Variants in RGS20 observed in about 807,000 individuals in gnomAD.
RGS20 encodes the protein gz-selective GTPase-activating protein.
Under a neutral mutation model 33.6 loss-of-function variants are expected in RGS20, and 30 were observed. That is an observed-to-expected ratio of 0.89 (90% CI 0.67 to 1.21). The LOEUF (loss-of-function observed/expected upper bound fraction) is 1.21. RGS20 is among the 50% of genes most tolerant of loss of function. The probability of loss-of-function intolerance (pLI) is 0.00; values close to 1 mark genes in which losing one functional copy is unlikely to be tolerated. For synonymous variants in RGS20, 208 were observed against 197.9 expected, an observed-to-expected ratio of 1.05 and a Z score of -0.43; for missense variants, 472 against 502.4, an observed-to-expected ratio of 0.94 and a Z score of 0.58.
At position 53,910,117 on chromosome 8, in the gene RGS20, T is replaced by C. The variant is rs555337181; in HGVS notation, c.511-29459T>C. ...GGATACATTATTAGTTCTTTAATCA[T>C]TCATCACATATGTATTAAACACCTT... On this transcript the variant is annotated intron_variant, in intron 2 of 5. Coordinates refer to ENST00000297313, the MANE Select transcript of RGS20 (RefSeq NM_170587.4). Among the ~76,000 whole-genome samples, 5 of 152,320 alleles carry C rather than the reference T, an allele frequency of 3.3e-5. No homozygotes were observed. In the South Asian group the frequency reaches 1.0e-3, roughly 32 times the overall value.
intron 2 of RGS20, among the ~76,000 whole-genome samples, chr8:53,910,327 T>C (rs1813316943): frequency 6.6e-6 from 1 of 152,012 alleles, no homozygotes; most frequent in Non-Finnish European, 1.5e-5. Flanking sequence ...CCATAGCAGA[T>C]AATACATGAA....
At chr8:53,911,797 T>A (rs1290293230) in intron 2 of RGS20, among the ~76,000 whole-genome samples, 12 of 151,894 alleles carry the variant, frequency 7.9e-5, no homozygotes, top group Non-Finnish European at 8.8e-5. Flanking sequence ...AAAAATTAGC[T>A]GGTCATGGTG....
chr8:53,909,853 G>A (rs1813305885), intron 2 of RGS20, among the ~76,000 whole-genome samples: 1 of 152,158 alleles, frequency 6.6e-6, no homozygotes, highest in Non-Finnish European at 1.5e-5. Context: ...GGACAGAGGT[G>A]ATGGAAACTC....
intron 1 of RGS20, among the ~76,000 whole-genome samples, chr8:53,862,564 G>A (rs982222762): frequency 3.9e-5 from 6 of 152,188 alleles, no homozygotes; most frequent in South Asian, 2.1e-4. Context: ...GCTCATCCCT[G>A]TAATGCCAGC....
At chr8:53,915,436 C>T (rs945310940) in intron 2 of RGS20, among the ~76,000 whole-genome samples, 1 of 152,100 alleles carries the variant, frequency 6.6e-6, no homozygotes, top group Non-Finnish European at 1.5e-5. Flanking sequence ...AGGGATCTCC[C>T]CACTCCTGCC....
intron 2 of RGS20, among the ~76,000 whole-genome samples, chr8:53,931,907 C>T (rs900281648): frequency 4.6e-5 from 7 of 152,152 alleles, no homozygotes; most frequent in African/African-American, 1.2e-4. Context: ...TTGCAACCTA[C>T]AGACCAAAAG....
chr8:53,901,616 A>G (rs973522366), intron 2 of RGS20, among the ~76,000 whole-genome samples: 12 of 152,204 alleles, frequency 7.9e-5, no homozygotes, highest in African/African-American at 2.9e-4. Flanking sequence ...CCTTCAGGAC[A>G]TTATGCTGAA....
intron 1 of RGS20, among the ~76,000 whole-genome samples, chr8:53,866,878 G>A (rs1031055977): frequency 2.6e-5 from 4 of 152,142 alleles, no homozygotes; most frequent in African/African-American, 9.7e-5. Flanking sequence ...TGGGGATTAT[G>A]CTCTGCTTCC....
intron 2 of RGS20, among the ~76,000 whole-genome samples, chr8:53,899,190 C>G (rs1001638754): frequency 2.6e-5 from 4 of 152,176 alleles, no homozygotes; most frequent in African/African-American, 9.6e-5. Flanking sequence ...GCTACATGTG[C>G]TATGTCCACT....
intron 2 of RGS20, among the ~76,000 whole-genome samples, chr8:53,896,780 C>T (rs563768357): frequency 6.6e-6 from 1 of 152,274 alleles, no homozygotes; most frequent in South Asian, 2.1e-4. Context: ...AATTAACAAG[C>T]CCCAAAAGGA....
At chr8:53,904,745 T>C (rs531355833) in intron 2 of RGS20, among the ~76,000 whole-genome samples, 2 of 151,862 alleles carry the variant, frequency 1.3e-5, no homozygotes, top group African/African-American at 4.9e-5. Flanking sequence ...CACTATTTCC[T>C]GGGATAAGCA....
intron 2 of RGS20, chr8:53,879,712 G>A: frequency 1.0e-6 from 1 of 992,682 alleles, no homozygotes; most frequent in South Asian, 2.0e-5. Context: ...TAGCAGTAGG[G>A]AGGGTGGCAA....
At chr8:53,915,926 A>T (rs1028488838) in intron 2 of RGS20, among the ~76,000 whole-genome samples, 1 of 152,154 alleles carries the variant, frequency 6.6e-6, no homozygotes, top group Non-Finnish European at 1.5e-5. Context: ...CGAATTCTAG[A>T]TTCACTATTG....
At chr8:53,871,034 C>T (rs1487593707) in intron 1 of RGS20, among the ~76,000 whole-genome samples, 1 of 142,984 alleles carries the variant, frequency 7.0e-6, no homozygotes, top group Non-Finnish European at 1.5e-5. Flanking sequence ...TTGCTTGAAG[C>T]CGGGTGGCAG....
chr8:53,876,156 T>C (rs1812202684), intron 1 of RGS20: 3 of 152,252 alleles, frequency 2.0e-5, no homozygotes, highest in African/African-American at 7.2e-5. Flanking sequence ...AAATTCTATT[T>C]GAACTGTGAC....
chr8:53,879,707 G>GCCCCGCTCCGC, intron 2 of RGS20: 2 of 1,010,152 alleles, frequency 2.0e-6, no homozygotes, highest in Non-Finnish European at 2.8e-6. Flanking sequence ...GGGGCTAGCA[G>GCCCCGCTCCGC]TAGGGAGGGT....
intron 2 of RGS20, among the ~76,000 whole-genome samples, chr8:53,889,999 C>A (rs548019091): frequency 6.6e-6 from 1 of 152,182 alleles, no homozygotes; most frequent in African/African-American, 2.4e-5. Context: ...GGATTGACGT[C>A]TTTCATCAAC....
chr8:53,951,120 C>T (rs556931110), intron 4 of RGS20, among the ~76,000 whole-genome samples: 3 of 152,262 alleles, frequency 2.0e-5, no homozygotes, highest in Non-Finnish European at 2.9e-5. Context: ...AATCTGCTAA[C>T]GATAGAGGGA....
At chr8:53,950,691 T>C (rs1653976946) in intron 4 of RGS20, among the ~76,000 whole-genome samples, 1 of 152,060 alleles carries the variant, frequency 6.6e-6, no homozygotes, top group African/African-American at 2.4e-5. Context: ...CTTGGCTCAC[T>C]GCAACCTCTG....
Sources: gnomAD v4.1 joint callset for allele counts (sites outside exome capture counted in the v4.1 genomes callset) on GRCh38, gnomAD v4.1.1 for gene constraint, MANE v1.5 for transcripts, NCBI Gene and HGNC (gene_info 2026-07-23, HGNC 2026-07-21) for gene names.